Variants in SEC14L1 observed in about 807,000 individuals in gnomAD.
SEC14L1 encodes the protein SEC14-like protein 1.
Under a neutral mutation model 85.3 loss-of-function variants are expected in SEC14L1, and 48 were observed. The observed-to-expected ratio is 0.56, with a 90% CI of 0.45 to 0.72. The LOEUF (loss-of-function observed/expected upper bound fraction) is 0.72, where lower values mean the gene tolerates loss of function less well. SEC14L1 is among the 30% of genes least tolerant of loss of function. The pLI is 0.00. For missense variants in SEC14L1, 682 were observed against 921.4 expected (o/e 0.74, Z 3.36); for synonymous variants, 391 against 355.5 (o/e 1.10, Z -1.12).
At chr17:77,164,202 C>T (rs1399805631) in intron 3 of SEC14L1, among the ~76,000 whole-genome samples, 1 of 152,188 alleles carries the variant, frequency 6.6e-6, no homozygotes, top group Non-Finnish European at 1.5e-5. Context: ...GTACCGTGCC[C>T]CCGAGCAGGC....
At chr17:77,191,528 C>T (rs1975535139) in intron 5 of SEC14L1, among the ~76,000 whole-genome samples, 2 of 152,044 alleles carry the variant, frequency 1.3e-5, no homozygotes, top group African/African-American at 4.8e-5. Context: ...CCAAGTGATG[C>T]CTTGATTTGG....
intron 1 of SEC14L1, chr17:77,089,056 G>C (rs1463067710): frequency 5.1e-6 from 1 of 195,478 alleles, no homozygotes; most frequent in African/African-American, 2.4e-5. Context: ...AAAAGCATTG[G>C]GGTCCCTGGC....
At chr17:77,111,238 C>A (rs1361873054) in intron 3 of SEC14L1, among the ~76,000 whole-genome samples, 2 of 149,788 alleles carry the variant, frequency 1.3e-5, no homozygotes, top group African/African-American at 4.9e-5. Context: ...AAAGGCGGGA[C>A]AACTCAAAGC....
Position 77,203,093 on chromosome 17 carries a change from GA to G in SEC14L1, c.1010-469del, listed in dbSNP as rs796554802. Among the ~76,000 whole-genome samples the G allele has an allele frequency of 1.7e-3, 259 of 151,928 alleles. 1 individual carries two copies. Among genetic ancestry groups the G allele is most frequent in the African/African-American group, 6.0e-3 (247 of 41,438 alleles). ...TTCAGTTTTTAGTAATCTATGACAT[GA>G]AAAAAAATGATTTTCTAAGAAAGAA... On this transcript the variant is annotated intron_variant, in intron 9 of 16. Coordinates refer to ENST00000436233, the MANE Select transcript of SEC14L1 (RefSeq NM_001143998.2).
chr17:77,193,902 C>G (rs909751740), intron 6 of SEC14L1, among the ~76,000 whole-genome samples: 1 of 152,158 alleles, frequency 6.6e-6, no homozygotes, highest in African/African-American at 2.4e-5. Flanking sequence ...CAGGCTGCCC[C>G]CCTTGGATTG....
intron 3 of SEC14L1, among the ~76,000 whole-genome samples, chr17:77,164,218 G>A (rs1011620204): frequency 2.6e-5 from 4 of 152,178 alleles, no homozygotes; most frequent in Non-Finnish European, 5.9e-5. Flanking sequence ...CAGGCAGAGC[G>A]CCTGTGCCCA....
At chr17:77,204,160 A>T (rs1976333956) in intron 10 of SEC14L1, among the ~76,000 whole-genome samples, 1 of 152,094 alleles carries the variant, frequency 6.6e-6, no homozygotes, top group South Asian at 2.1e-4. Flanking sequence ...AAACAAACAG[A>T]AACTTAAAAG....
At chr17:77,166,478 G>A (rs968904991) in intron 3 of SEC14L1, among the ~76,000 whole-genome samples, 2 of 152,140 alleles carry the variant, frequency 1.3e-5, no homozygotes, top group Non-Finnish European at 2.9e-5. Flanking sequence ...CATATCCTGG[G>A]TTCAAATTCT....
At chr17:77,190,776 C>G in intron 3 of SEC14L1, 27 bp from the exon 4 acceptor site, 2 of 1,613,294 alleles carry the variant, frequency 1.2e-6, no homozygotes, top group Non-Finnish European at 1.7e-6. Context: ...TTGCTCACTT[C>G]TGCTTTCTTG....
At chr17:77,180,799 A>G (rs1415893394) in intron 3 of SEC14L1, among the ~76,000 whole-genome samples, 1 of 152,178 alleles carries the variant, frequency 6.6e-6, no homozygotes, top group Non-Finnish European at 1.5e-5. Flanking sequence ...CTTTTCTTTG[A>G]AAGGGCTCAA....
In SEC14L1 at chr17:77,162,765, G is replaced by C. The variant is rs542017741; in HGVS notation, c.63+19106G>C. 2.0e-4 allele frequency among the ~76,000 whole-genome samples: 30 copies of C among 151,596 alleles called. 2 individuals are homozygous for C. The East Asian group carries it at 2.7e-3, about 14-fold the overall frequency. On this transcript the variant is annotated intron_variant, in intron 3 of 16. Transcript: ENST00000436233. ...GAATCGCTTGAACCGGGGAGGTGGA[G>C]GTGTCGGTGAGCCGAGATGGTACCA...
At chr17:77,121,524 AATTTTTGT>A (rs1486954683) in intron 3 of SEC14L1, among the ~76,000 whole-genome samples, 2 of 151,904 alleles carry the variant, frequency 1.3e-5, no homozygotes, top group Admixed American at 6.6e-5. Flanking sequence ...ATGCCCGGCT[AATTTTTGT>A]ATTTTCAGTA....
chr17:77,109,863 A>G (rs1598230172), intron 3 of SEC14L1, among the ~76,000 whole-genome samples: 1 of 152,206 alleles, frequency 6.6e-6, no homozygotes, highest in East Asian at 1.9e-4. Flanking sequence ...TAGCTGTTAC[A>G]TTAACTAAAT....
intron 3 of SEC14L1, among the ~76,000 whole-genome samples, chr17:77,175,898 A>G (rs1974730107): frequency 6.6e-6 from 1 of 151,966 alleles, no homozygotes; most frequent in Non-Finnish European, 1.5e-5. Context: ...AGGGCTTTTT[A>G]TGGGCTCAGA....
At chr17:77,179,114 A>C (rs1326751927) in intron 3 of SEC14L1, among the ~76,000 whole-genome samples, 2 of 152,182 alleles carry the variant, frequency 1.3e-5, no homozygotes, top group Non-Finnish European at 2.9e-5. Flanking sequence ...GTACGAATGG[A>C]AGAAGCTCCG....
rs1976963703 is a variant in SEC14L1, at chr17:77,214,898, C to G, written c.*875C>G. ...CATTGTCCTCAGAGCCCAGACAGTT[C>G]CAGCCACTAGGAGGCCGTCTTGGAA... On this transcript the variant is annotated 3_prime_UTR_variant, in exon 17 of 17. Transcript: ENST00000436233. The G allele has an allele frequency of 2.0e-6, 2 of 985,294 alleles. No individual in the cohort carries two copies. The highest frequency in any genetic ancestry group is 2.4e-6 in the Non-Finnish European group (2 of 829,984). The allele number at this position is 985,294 out of a possible 1,614,324, so 61.0% of individuals were successfully genotyped here. A position where few individuals can be genotyped will look rare whatever the true frequency, so the allele number is the denominator to read the frequency against.
At position 77,214,044 on chromosome 17, in the gene SEC14L1, G is replaced by C. The variant is rs763527410; in HGVS notation, c.*21G>C. ...GGTAGTGCCGCGCTGCCTGCACCTAGTGTGCAGAGGGGACGGCCGCCCCTC... is the reference window on the plus strand; with the variant it reads ...GGTAGTGCCGCGCTGCCTGCACCTACTGTGCAGAGGGGACGGCCGCCCCTC... On this transcript the variant is annotated 3_prime_UTR_variant, in exon 17 of 17. Coordinates refer to ENST00000436233, the MANE Select transcript of SEC14L1 (RefSeq NM_001143998.2). 5.0e-6 allele frequency: 8 copies of C among 1,604,772 alleles called. 1 individual carries two copies. In the South Asian group the frequency reaches 8.9e-5, roughly 18 times the overall value.
chr17:77,148,795 G>A (rs981426202), intron 3 of SEC14L1, among the ~76,000 whole-genome samples: 5 of 152,230 alleles, frequency 3.3e-5, no homozygotes, highest in African/African-American at 1.2e-4. Context: ...TTTCCATTGT[G>A]TGTGTCCTGT....
At chr17:77,210,943 C>G (rs573466831) in intron 14 of SEC14L1, 21 of 152,376 alleles carry the variant, frequency 1.4e-4, no homozygotes, top group African/African-American at 4.8e-4. Context: ...GAGGCCCCCA[C>G]TGTGAATGCA....
Sources: gnomAD v4.1 joint callset for allele counts (sites outside exome capture counted in the v4.1 genomes callset) on GRCh38, gnomAD v4.1.1 for gene constraint, MANE v1.5 for transcripts, NCBI Gene and HGNC (gene_info 2026-07-23, HGNC 2026-07-21) for gene names.